Variants in MCPH1 observed in about 807,000 individuals in gnomAD.
MCPH1 encodes the protein microcephalin 1, also known as microcephalin.
Under a neutral mutation model 84.5 loss-of-function variants are expected in MCPH1, and 104 were observed. That is an observed-to-expected ratio of 1.23 (90% confidence interval 1.05 to 1.45). The LOEUF (loss-of-function observed/expected upper bound fraction) is 1.45, where lower values mean the gene tolerates loss of function less well. MCPH1 is among the 40% of genes most tolerant of loss of function. The pLI is 0.00. For synonymous variants in MCPH1, 514 were observed against 366.8 expected (o/e 1.40, Z -4.58); for missense variants, 1,498 against 1,005.7 (o/e 1.49, Z -6.62).
rs531736625 is a variant in MCPH1, at chr8:6,586,266, T to G, written c.2215-35188T>G. On this transcript the variant is annotated intron_variant, in intron 12 of 13. Transcript: ENST00000344683. ...GTGAGCCACCATGCCCAGCTCATCC[T>G]TCCTTTAAAACCGGCAGCTGGGCAA... is the stretch of plus-strand genomic sequence containing the variant. 3.3e-5 allele frequency among the ~76,000 whole-genome samples: 5 copies of G among 152,346 alleles called. No individual in the cohort carries two copies. In the East Asian group the frequency reaches 9.7e-4, roughly 29 times the overall value.
chr8:6,516,270 C>T (rs1056365860), intron 12 of MCPH1, among the ~76,000 whole-genome samples: 3 of 152,226 alleles, frequency 2.0e-5, no homozygotes, highest in African/African-American at 4.8e-5. Flanking sequence ...CATCCAAGTA[C>T]TCTGCCAGAT....
intron 13 of MCPH1, among the ~76,000 whole-genome samples, chr8:6,641,967 G>C (rs1245665467): frequency 1.3e-5 from 2 of 152,180 alleles, no homozygotes; most frequent in African/African-American, 4.8e-5. Context: ...AAGCACATTT[G>C]TATTGAGAAG....
At chr8:6,611,802 C>T (rs7461371) in intron 12 of MCPH1, among the ~76,000 whole-genome samples, 16,497 of 151,908 alleles carry the variant, frequency 0.11, 1,161 homozygotes, top group East Asian at 0.28. Flanking sequence ...GTATTTTTAG[C>T]GGAGACGGGG....
rs576362028 is a variant in MCPH1, at chr8:6,421,880, A to G, written c.233+6997A>G. On this transcript the variant is annotated intron_variant, in intron 3 of 13. Transcript: ENST00000344683. ...TCTGGGCTTCCACGTCCCCAAGGCT[A>G]CACTCTTTCTGCCTTTAGTTCTTGG... Among the ~76,000 whole-genome samples, 17 of 152,216 alleles carry G rather than the reference A, an allele frequency of 1.1e-4. No individual in the cohort carries two copies. In the East Asian group the frequency reaches 3.3e-3, roughly 29 times the overall value.
At position 6,481,143 on chromosome 8, in the gene MCPH1, T is replaced by G. The variant is rs12677501; in HGVS notation, c.2136+267T>G. On this transcript the variant is annotated intron_variant, in intron 11 of 13. Coordinates refer to ENST00000344683, the MANE Select transcript of MCPH1 (RefSeq NM_024596.5). The stretch of plus-strand genomic sequence containing the variant: ...CTCTAAGATAAAGCAGAAGCAAGAT[T>G]ACAAAGATGCTGAAAGAAACGCAAG... 0.16 allele frequency among the ~76,000 whole-genome samples: 23,789 copies of G among 152,152 alleles called. 1,994 individuals carry two copies. The highest frequency in any genetic ancestry group is 0.27 in the Middle Eastern group (78 of 294).
intron 1 of MCPH1, chr8:6,407,126 TGGCA>T: frequency 3.9e-6 from 1 of 259,096 alleles, no homozygotes; most frequent in Non-Finnish European, 7.6e-6. Context: ...TGGGGCTCAC[TGGCA>T]GGCAGAGTCC....
intron 12 of MCPH1, among the ~76,000 whole-genome samples, chr8:6,604,283 G>A (rs1294959119): frequency 2.6e-5 from 4 of 152,216 alleles, no homozygotes; most frequent in Non-Finnish European, 5.9e-5. Flanking sequence ...GGCCGGCAAT[G>A]TGCTTCACCC....
At chr8:6,460,165 A>G (rs911556333) in intron 9 of MCPH1, among the ~76,000 whole-genome samples, 2 of 149,524 alleles carry the variant, frequency 1.3e-5, no homozygotes, top group African/African-American at 4.9e-5. Flanking sequence ...ATTGCTGGGA[A>G]CGCAATCTCG....
intron 11 of MCPH1, among the ~76,000 whole-genome samples, chr8:6,489,990 A>G (rs1362179330): frequency 6.6e-6 from 1 of 152,238 alleles, no homozygotes; most frequent in African/African-American, 2.4e-5. Flanking sequence ...ATGGCCTTCA[A>G]GGATCACACT....
intron 12 of MCPH1, among the ~76,000 whole-genome samples, chr8:6,510,912 C>T (rs532765488): frequency 7.8e-4 from 118 of 152,254 alleles, no homozygotes; most frequent in African/African-American, 2.5e-3. Context: ...TGAGACTGGC[C>T]GTAGCTCAGT....
rs1006340849 is a variant in MCPH1, at chr8:6,428,877, C to G, written c.234-2622C>G. Among the ~76,000 whole-genome samples, 5 of 152,176 alleles carry G rather than the reference C, an allele frequency of 3.3e-5. No homozygotes were observed. The East Asian group carries it at 9.7e-4, about 30-fold the overall frequency. Reference sequence around the variant, plus strand: ...GAGGCAGCTCCTTTCACACTTGTGGCTGCTTCTGCAGATAAGCTGTTCGGT... The same window carrying G: ...GAGGCAGCTCCTTTCACACTTGTGGGTGCTTCTGCAGATAAGCTGTTCGGT... On this transcript the variant is annotated intron_variant, in intron 3 of 13. Transcript: ENST00000344683.
At chr8:6,473,080 A>G (rs1380407833) in intron 9 of MCPH1, among the ~76,000 whole-genome samples, 3 of 152,184 alleles carry the variant, frequency 2.0e-5, no homozygotes, top group African/African-American at 4.8e-5. Context: ...ATCTAAGCCA[A>G]TTATACAGAA....
chr8:6,465,927 C>G (rs113660596), intron 9 of MCPH1, among the ~76,000 whole-genome samples: 42 of 116,296 alleles, frequency 3.6e-4, no homozygotes, highest in East Asian at 1.2e-3. Flanking sequence ...ATCTATCGAT[C>G]CATCCATCCA....
intron 12 of MCPH1, among the ~76,000 whole-genome samples, chr8:6,549,282 A>G (rs1264082492): frequency 6.6e-6 from 1 of 152,256 alleles, no homozygotes; most frequent in Non-Finnish European, 1.5e-5. Context: ...GGTGATGGAA[A>G]AGAAGAAACT....
intron 8 of MCPH1, among the ~76,000 whole-genome samples, chr8:6,450,390 A>G (rs1705987626): frequency 6.6e-6 from 1 of 151,702 alleles, no homozygotes; most frequent in South Asian, 2.1e-4. Context: ...TTCTATGGGC[A>G]AGTTTCTGCA....
At position 6,643,743 on chromosome 8, in the gene MCPH1, CTT is replaced by C. The variant is rs758749188; in HGVS notation, c.*697_*698del. The C allele has an allele frequency of 4.6e-5, 7 of 151,564 alleles. No individual in the cohort carries two copies. The East Asian group carries it at 9.7e-4, about 21-fold the overall frequency. The allele number at this position is 151,564 out of a possible 1,614,324, so 9.4% of individuals were successfully genotyped here. On this transcript the variant is annotated 3_prime_UTR_variant, in exon 14 of 14. Transcript: ENST00000344683. ...AGACATTTGTCAGCTATTAAGGTGA[CTT>C]TTATCTAGCGGAGATTCCTCTCTTA...
chr8:6,417,248 C>T (rs1012035728), intron 3 of MCPH1, among the ~76,000 whole-genome samples: 2 of 151,988 alleles, frequency 1.3e-5, no homozygotes, highest in African/African-American at 4.8e-5. Context: ...TAGCTGTATA[C>T]CAGGGATTGG....
At chr8:6,414,646 A>T (rs938397568) in intron 2 of MCPH1, 119 bp from the exon 3 acceptor site, 3 of 1,052,348 alleles carry the variant, frequency 2.9e-6, no homozygotes, top group African/African-American at 1.6e-5. Flanking sequence ...CATTCCTTTG[A>T]GTGTTTCTCT....
At chr8:6,549,093 G>C (rs995490650) in intron 12 of MCPH1, among the ~76,000 whole-genome samples, 1 of 152,210 alleles carries the variant, frequency 6.6e-6, no homozygotes, top group Admixed American at 6.5e-5. Flanking sequence ...TTGGAACTCA[G>C]TCAAAACAGC....
Sources: gnomAD v4.1 joint callset for allele counts (sites outside exome capture counted in the v4.1 genomes callset) on GRCh38, gnomAD v4.1.1 for gene constraint, MANE v1.5 for transcripts, NCBI Gene and HGNC (gene_info 2026-07-23, HGNC 2026-07-21) for gene names.